The following THRB variants were observed in gnomAD, a reference collection of about 807,000 sequenced individuals.
THRB encodes thyroid hormone receptor beta, also known as nuclear receptor subfamily 1 group A member 2.
THRB carries 12 observed loss-of-function variants against 47.8 expected under a neutral mutation model. The observed-to-expected ratio is 0.25, with a 90% CI of 0.16 to 0.41. The LOEUF (loss-of-function observed/expected upper bound fraction) is 0.41, where lower values mean the gene tolerates loss of function less well. Ranked by LOEUF, THRB falls within the 10% of genes least tolerant of loss-of-function variation. The probability of loss-of-function intolerance (pLI) is 1.00; values close to 1 mark genes in which losing one functional copy is unlikely to be tolerated. For missense variants in THRB, 348 were observed against 589.2 expected (o/e 0.59, Z 4.24); for synonymous variants, 218 against 212.2 (o/e 1.03, Z -0.24).
chr3:24,357,378 A>AAAC (rs1553726705), intron 1 of THRB, among the ~76,000 whole-genome samples: 56 of 141,268 alleles, frequency 4.0e-4, no homozygotes, highest in African/African-American at 1.4e-3. Flanking sequence ...AAAAAAACAA[A>AAAC]AAACAAACAA....
intron 5 of THRB, among the ~76,000 whole-genome samples, chr3:24,189,270 C>A (rs1441614786): frequency 6.6e-6 from 1 of 150,640 alleles, no homozygotes; most frequent in Non-Finnish European, 1.5e-5. Context: ...ACTAAATAGA[C>A]CCCCCCTTTT....
intron 1 of THRB, among the ~76,000 whole-genome samples, chr3:24,410,733 G>A (rs1243627233): frequency 2.0e-5 from 3 of 151,698 alleles, no homozygotes; most frequent in Admixed American, 6.6e-5. Context: ...TCAAATGCAT[G>A]GTTAATACTG....
At chr3:24,252,974 A>T (rs2050818552) in intron 3 of THRB, among the ~76,000 whole-genome samples, 1 of 152,176 alleles carries the variant, frequency 6.6e-6, no homozygotes, top group Admixed American at 6.5e-5. Flanking sequence ...CTTTCCATAC[A>T]TTTTAGATTC....
intron 1 of THRB, among the ~76,000 whole-genome samples, chr3:24,426,417 G>A (rs4858613): frequency 0.44 from 66,180 of 151,532 alleles, 15,357 homozygotes; most frequent in East Asian, 0.51. Context: ...GCATCAACTT[G>A]CTTTTTTGGT....
chr3:24,347,562 T>C (rs1025131673), intron 1 of THRB, among the ~76,000 whole-genome samples: 1 of 150,444 alleles, frequency 6.6e-6, no homozygotes, highest in African/African-American at 2.4e-5. Context: ...TAATAAATAA[T>C]AAAAAAAGAA....
chr3:24,289,827 A>T (rs561677560), intron 3 of THRB, among the ~76,000 whole-genome samples: 7 of 152,204 alleles, frequency 4.6e-5, no homozygotes, highest in Non-Finnish European at 1.0e-4. Flanking sequence ...AAAATTCATT[A>T]TATCTATATG....
intron 2 of THRB, among the ~76,000 whole-genome samples, chr3:24,299,769 TTTTATTTA>T (rs776166696): frequency 4.3e-5 from 3 of 70,222 alleles, no homozygotes; most frequent in African/African-American, 6.2e-5. Context: ...AAGTATGCTT[TTTTATTTA>T]TTTATTTATT....
chr3:24,478,059 T>C (rs1038385692), intron 1 of THRB, among the ~76,000 whole-genome samples: 1 of 151,986 alleles, frequency 6.6e-6, no homozygotes. Context: ...CCTAAAAATA[T>C]GTCTTAATGT....
At chr3:24,331,823 C>T (rs1177392948) in intron 2 of THRB, among the ~76,000 whole-genome samples, 1 of 152,162 alleles carries the variant, frequency 6.6e-6, no homozygotes, top group Non-Finnish European at 1.5e-5. Context: ...TACCATGTCA[C>T]TAATACCGAG....
At chr3:24,320,937 C>A (rs1417896784) in intron 2 of THRB, among the ~76,000 whole-genome samples, 2 of 152,146 alleles carry the variant, frequency 1.3e-5, no homozygotes, top group African/African-American at 4.8e-5. Context: ...AAGAAGATGA[C>A]AGAAAGAGCC....
chr3:24,127,983 G>C (rs1031765610), intron 9 of THRB, among the ~76,000 whole-genome samples: 14 of 152,292 alleles, frequency 9.2e-5, no homozygotes, highest in Admixed American at 9.1e-4. Context: ...TCAGGAGTTT[G>C]CATTGCTTTT....
intron 1 of THRB, among the ~76,000 whole-genome samples, chr3:24,409,553 C>T (rs1214733760): frequency 6.6e-6 from 1 of 151,670 alleles, no homozygotes; most frequent in Non-Finnish European, 1.5e-5. Context: ...CTTAGCTGTA[C>T]AAGGAGAATT....
intron 3 of THRB, among the ~76,000 whole-genome samples, chr3:24,289,616 C>T (rs1474812565): frequency 6.6e-6 from 1 of 152,102 alleles, no homozygotes. Context: ...AATTAAAATA[C>T]CACTTGGCTT....
chr3:24,273,721 G>A (rs1356445797), intron 3 of THRB, among the ~76,000 whole-genome samples: 7 of 152,112 alleles, frequency 4.6e-5, no homozygotes. Flanking sequence ...GTTTGCAATG[G>A]GGCATTCCCC....
Position 24,190,129 on chromosome 3 carries a change from G to A in THRB, c.228C>T (p.Asn76=), listed in dbSNP as rs763395354. ...SIFHLDHDDV[N]DQSVSSAQTF... ...TCTGGGCACTTGAGACACTCTGGTCGTTCACATCATCATGGTCCAGATGGA... is the reference window on the plus strand; with the variant it reads ...TCTGGGCACTTGAGACACTCTGGTCATTCACATCATCATGGTCCAGATGGA... The change falls in exon 5 of 11, where the codon AAC becomes AAT. Residue 76 remains asparagine, a synonymous_variant. Transcript: ENST00000646209. The A allele has an allele frequency of 1.2e-5, 20 of 1,613,840 alleles. No homozygotes were observed. Among genetic ancestry groups the A allele is most frequent in the Middle Eastern group, 1.6e-4 (1 of 6,082 alleles).
chr3:24,466,439 C>G (rs1373750105), intron 1 of THRB, among the ~76,000 whole-genome samples: 3 of 152,248 alleles, frequency 2.0e-5, no homozygotes, highest in African/African-American at 7.2e-5. Context: ...TTTCAAACTA[C>G]CACCTGGAGA....
At chr3:24,486,412 C>T (rs1436076101) in intron 1 of THRB, 1 of 152,178 alleles carries the variant, frequency 6.6e-6, no homozygotes, top group Non-Finnish European at 1.5e-5. Flanking sequence ...TCGTGTCTGG[C>T]ACTTGGCAGA....
Position 24,255,943 on chromosome 3 carries a change from A to G in THRB, c.-42-26942T>C, listed in dbSNP as rs1164481583. 2.6e-5 allele frequency among the ~76,000 whole-genome samples: 4 copies of G among 152,198 alleles called. No homozygotes were observed. The East Asian group carries it at 7.7e-4, about 29-fold the overall frequency. ...GAAGCCTTCATTGTCATATAGATAA[A>G]TGGTAACTGAAGGTGTCAACATGGA... On this transcript the variant is annotated intron_variant, in intron 3 of 10. Coordinates refer to ENST00000646209, the MANE Select transcript of THRB (RefSeq NM_001354712.2).
chr3:24,394,572 G>C (rs945234716), intron 1 of THRB, among the ~76,000 whole-genome samples: 2 of 152,078 alleles, frequency 1.3e-5, no homozygotes, highest in Non-Finnish European at 2.9e-5. Context: ...TTTCAGAGAA[G>C]AAAATGTCAT....
Sources: gnomAD v4.1 joint callset for allele counts (sites outside exome capture counted in the v4.1 genomes callset) on GRCh38, gnomAD v4.1.1 for gene constraint, MANE v1.5 for transcripts, NCBI Gene and HGNC (gene_info 2026-07-23, HGNC 2026-07-21) for gene names.